The following GPR89A variants were observed in gnomAD, a reference collection of about 807,000 sequenced individuals.
GPR89A encodes the protein golgi pH regulator A.
A neutral mutation model predicts 52.0 loss-of-function variants in GPR89A; 16 were observed. The observed-to-expected ratio is 0.31, with a 90% confidence interval of 0.21 to 0.47. The LOEUF is 0.47. Ranked by LOEUF, GPR89A falls within the 20% of genes least tolerant of loss-of-function variation. The pLI, the probability that GPR89A is intolerant of heterozygous loss-of-function variation, is 1.00. For synonymous variants in GPR89A, 55 were observed against 150.9 expected, an observed-to-expected ratio of 0.36 and a Z score of 4.66; for missense variants, 135 against 449.4, an observed-to-expected ratio of 0.30 and a Z score of 6.33.
chr1:145,643,699 A>T (rs1650802370), intron 7 of GPR89A, among the ~76,000 whole-genome samples, 170 bp from the exon 8 acceptor site: 2 of 146,540 alleles, frequency 1.4e-5, no homozygotes, highest in Admixed American at 1.4e-4. Context: ...CATTGCTTCC[A>T]CATAGTTTCC....
chr1:145,612,400 C>T (rs1188051504), intron 1 of GPR89A, among the ~76,000 whole-genome samples: 1 of 152,024 alleles, frequency 6.6e-6, no homozygotes, highest in Non-Finnish European at 1.5e-5. Flanking sequence ...CTTAGAGTAG[C>T]GTATTTTGAA....
chr1:145,667,712 A>G (rs1278822412), intron 12 of GPR89A, among the ~76,000 whole-genome samples: 11 of 152,188 alleles, frequency 7.2e-5, no homozygotes, highest in African/African-American at 2.2e-4. Flanking sequence ...TAGGTCTAAC[A>G]TTTAAGTCTT....
intron 7 of GPR89A, among the ~76,000 whole-genome samples, chr1:145,634,998 A>G (rs1446453004): frequency 6.6e-6 from 1 of 152,210 alleles, no homozygotes; most frequent in Non-Finnish European, 1.5e-5. Context: ...CCATAAGTAA[A>G]TGGTAACAGG....
rs1419826924 is a variant in GPR89A, at chr1:145,663,380, A to G, written c.961A>G (p.Arg321Gly). 6.2e-7 allele frequency: 1 copy of G among 1,611,052 alleles called. No homozygotes were observed. The highest frequency in any genetic ancestry group is 8.5e-7 in the Non-Finnish European group (1 of 1,179,352). Residue 321 changes from arginine (R) to glycine (G), a missense_variant, in exon 11 of 14, where the codon AGA (arginine) becomes GGA (glycine). Coordinates refer to ENST00000313835, the MANE Select transcript of GPR89A (RefSeq NM_001097612.2). ...DRVGKTDPVT[R>G]GIEITVNYLG... ...AGTTGGGAAAACGGATCCTGTCACAAGAGGCATTGAGATCACTGTGAATTA... is the reference window on the plus strand; with the variant it reads ...AGTTGGGAAAACGGATCCTGTCACAGGAGGCATTGAGATCACTGTGAATTA...
chr1:145,663,447 G>A (rs782242135), intron 11 of GPR89A, 23 bp downstream of exon 11: 8 of 1,609,716 alleles, frequency 5.0e-6, no homozygotes, highest in Admixed American at 3.3e-5. Flanking sequence ...TCAAGATCCT[G>A]GTTTGTCATG....
intron 7 of GPR89A, among the ~76,000 whole-genome samples, chr1:145,634,653 A>ACTAGTTACTTT: frequency 6.6e-6 from 1 of 150,624 alleles, no homozygotes; most frequent in East Asian, 1.9e-4. Flanking sequence ...GTGACCTTGA[A>ACTAGTTACTTT]CTAGTTACTT....
Position 145,663,445 on chromosome 1 carries a change from C to T in GPR89A, c.1005+21C>T, listed in dbSNP as rs782014844. ...TTGATGTAAGTGTTATATCAAGATC[C>T]TGGTTTGTCATGTTTCTGTTTTATC... On this transcript the variant is annotated intron_variant, in intron 11 of 13. Coordinates refer to ENST00000313835, the MANE Select transcript of GPR89A (RefSeq NM_001097612.2). 5 of 1,610,076 alleles carry T rather than the reference C, an allele frequency of 3.1e-6. No individual in the cohort carries two copies. In the African/African-American group the frequency reaches 6.7e-5, roughly 22 times the overall value.
At chr1:145,645,713 T>C (rs1650937874) in intron 8 of GPR89A, 1 of 453,986 alleles carries the variant, frequency 2.2e-6, no homozygotes, top group South Asian at 1.6e-5. Flanking sequence ...AGATAAGATA[T>C]AAAAGAAGAT....
At chr1:145,614,614 T>C (rs1475138238) in intron 1 of GPR89A, among the ~76,000 whole-genome samples, 1 of 151,490 alleles carries the variant, frequency 6.6e-6, no homozygotes, top group Non-Finnish European at 1.5e-5. Flanking sequence ...AAGACAAACA[T>C]GGTTTTTGTC....
chr1:145,617,273 A>C (rs78364126), intron 2 of GPR89A, among the ~76,000 whole-genome samples: 4,608 of 152,278 alleles, frequency 0.03, 216 homozygotes, highest in African/African-American at 0.1. Flanking sequence ...GAAGAAGAGT[A>C]TGACTCTATT....
At chr1:145,627,025 G>A (rs1471632) in intron 5 of GPR89A, among the ~76,000 whole-genome samples, 24 of 152,156 alleles carry the variant, frequency 1.6e-4, no homozygotes, top group Middle Eastern at 3.4e-3. Context: ...CTTCTTGTGC[G>A]GTGTCTGAAC....
rs587734651 is a variant in GPR89A, at chr1:145,639,791, C to G, written c.618-4078C>G. Among the ~76,000 whole-genome samples the G allele has an allele frequency of 4.6e-3, 677 of 148,240 alleles. 2 individuals are homozygous for G. The highest frequency in any genetic ancestry group is 0.016 in the African/African-American group (631 of 40,300). The stretch of plus-strand genomic sequence containing the variant: ...GAAAAGAAATACTGACACAAATACA[C>G]CCAGCTAATTTTTGACAAAGATGCA... On this transcript the variant is annotated intron_variant, in intron 7 of 13. Transcript: ENST00000313835.
intron 7 of GPR89A, among the ~76,000 whole-genome samples, chr1:145,635,933 TG>T (rs1553690652): frequency 6.6e-6 from 1 of 151,676 alleles, no homozygotes; most frequent in Admixed American, 6.6e-5. Flanking sequence ...CACTCCAGCC[TG>T]GGGGCAGAAC....
intron 1 of GPR89A, among the ~76,000 whole-genome samples, chr1:145,615,029 G>A (rs1293922571): frequency 6.6e-6 from 1 of 152,294 alleles, no homozygotes; most frequent in Non-Finnish European, 1.5e-5. Flanking sequence ...AAAGGTCCTA[G>A]CCAGTTTAAG....
At chr1:145,622,158 A>C (rs1222707534) in intron 3 of GPR89A, among the ~76,000 whole-genome samples, 2 of 152,142 alleles carry the variant, frequency 1.3e-5, no homozygotes, top group African/African-American at 4.8e-5. Context: ...TAATAGCTAA[A>C]AACAACCCAA....
chr1:145,634,429 CT>C (rs1355384381), intron 7 of GPR89A, among the ~76,000 whole-genome samples: 1 of 151,188 alleles, frequency 6.6e-6, no homozygotes, highest in Non-Finnish European at 1.5e-5. Flanking sequence ...TTTTTACAAT[CT>C]TTTACATATC....
Position 145,616,859 on chromosome 1 carries a change from G to A in GPR89A, c.102+566G>A, listed in dbSNP as rs1337276425. Among the ~76,000 whole-genome samples, 7 of 152,198 alleles carry A rather than the reference G, an allele frequency of 4.6e-5. No individual in the cohort carries two copies. The East Asian group carries it at 1.2e-3, about 25-fold the overall frequency. ...CACAAAACCAGCAAGTTTTTATTAG[G>A]GATTTCAAAAGGGGAGGGAGTGTAC... On this transcript the variant is annotated intron_variant, in intron 2 of 13. Transcript: ENST00000313835.
At chr1:145,641,673 C>T (rs1317281074) in intron 7 of GPR89A, among the ~76,000 whole-genome samples, 1 of 152,288 alleles carries the variant, frequency 6.6e-6, no homozygotes, top group East Asian at 1.9e-4. Context: ...CTGTTGTGCA[C>T]TACTACCAAA....
chr1:145,632,821 C>T (rs1571494312), intron 7 of GPR89A, among the ~76,000 whole-genome samples: 1 of 152,064 alleles, frequency 6.6e-6, no homozygotes, highest in African/African-American at 2.4e-5. Flanking sequence ...TAGGAACCTC[C>T]ACACTATTTT....
Sources: allele counts gnomAD v4.1 joint callset (sites outside exome capture counted in the v4.1 genomes callset), GRCh38; gene constraint gnomAD v4.1.1; transcripts MANE v1.5; gene names NCBI Gene and HGNC (gene_info 2026-07-23, HGNC 2026-07-21).